SPOCK1: variants seen among roughly 807,000 people sequenced by gnomAD.
SPOCK1 encodes the protein testican-1.
SPOCK1 carries 23 observed loss-of-function variants against 55.3 expected under a neutral mutation model. That is an observed-to-expected ratio of 0.42 (90% confidence interval 0.30 to 0.59). The LOEUF (loss-of-function observed/expected upper bound fraction) is 0.59, where lower values mean the gene tolerates loss of function less well. SPOCK1 is among the 20% of genes least tolerant of loss of function. The probability of loss-of-function intolerance (pLI) is 0.22; values close to 1 mark genes in which losing one functional copy is unlikely to be tolerated. For missense variants in SPOCK1, 499 were observed against 552.5 expected, an observed-to-expected ratio of 0.90 and a Z score of 0.97; for synonymous variants, 226 against 221.0, an observed-to-expected ratio of 1.02 and a Z score of -0.20.
intron 3 of SPOCK1, among the ~76,000 whole-genome samples, chr5:137,154,413 A>G (rs1333042521): frequency 6.6e-6 from 1 of 152,232 alleles, no homozygotes; most frequent in Non-Finnish European, 1.5e-5. Context: ...AGTGTTTTGA[A>G]GATCTGCTGA....
chr5:137,229,955 A>G (rs1756017615), intron 3 of SPOCK1, among the ~76,000 whole-genome samples: 2 of 152,140 alleles, frequency 1.3e-5, no homozygotes, highest in Admixed American at 6.5e-5. Context: ...TGTGCAGCCC[A>G]TGGGTAGGGG....
chr5:137,130,727 C>A (rs1435835010), intron 4 of SPOCK1, among the ~76,000 whole-genome samples: 1 of 152,240 alleles, frequency 6.6e-6, no homozygotes, highest in East Asian at 1.9e-4. Context: ...TTGCAGTTCA[C>A]TGGGAAGCAT....
Position 137,098,879 on chromosome 5 carries a change from C to T in SPOCK1, c.474+13556G>A, listed in dbSNP as rs1753205386. On this transcript the variant is annotated intron_variant, in intron 5 of 10. Transcript: ENST00000394945. Reference sequence around the variant, plus strand: ...GGCTCCACGGGCCACCTCAGGAGACCTGCTCTGCAACCTCAGCCACCTCCT... The same window carrying T: ...GGCTCCACGGGCCACCTCAGGAGACTTGCTCTGCAACCTCAGCCACCTCCT... 2.6e-5 allele frequency among the ~76,000 whole-genome samples: 4 copies of T among 152,190 alleles called. No individual in the cohort carries two copies. The South Asian group carries it at 8.3e-4, about 31-fold the overall frequency.
At chr5:137,217,867 G>A (rs1195708762) in intron 3 of SPOCK1, among the ~76,000 whole-genome samples, 1 of 152,132 alleles carries the variant, frequency 6.6e-6, no homozygotes, top group African/African-American at 2.4e-5. Context: ...TGACAAGCGG[G>A]AATAGAAATC....
At chr5:137,179,278 A>C (rs1754921600) in intron 3 of SPOCK1, among the ~76,000 whole-genome samples, 1 of 152,216 alleles carries the variant, frequency 6.6e-6, no homozygotes, top group African/African-American at 2.4e-5. Context: ...TGATCTAAAA[A>C]TAAAGGCACC....
chr5:137,183,264 A>G (rs956747346), intron 3 of SPOCK1, among the ~76,000 whole-genome samples: 3 of 152,208 alleles, frequency 2.0e-5, no homozygotes, highest in Non-Finnish European at 4.4e-5. Flanking sequence ...AGGTCCGCAC[A>G]TGGTATGAAG....
At chr5:137,322,323 A>C (rs891222182) in intron 2 of SPOCK1, among the ~76,000 whole-genome samples, 2 of 108,188 alleles carry the variant, frequency 1.8e-5, no homozygotes, top group East Asian at 2.7e-4. Flanking sequence ...TCAGAGTGAG[A>C]TGCTGTCTCA....
At chr5:137,468,311 C>A (rs774184890) in intron 2 of SPOCK1, among the ~76,000 whole-genome samples, 2 of 152,194 alleles carry the variant, frequency 1.3e-5, no homozygotes, top group Non-Finnish European at 2.9e-5. Flanking sequence ...GATTCCCGTG[C>A]TTAAAGGATA....
chr5:137,034,915 A>G (rs920716554), intron 6 of SPOCK1, among the ~76,000 whole-genome samples: 1 of 152,212 alleles, frequency 6.6e-6, no homozygotes, highest in African/African-American at 2.4e-5. Context: ...AAAAGGGCAC[A>G]TGCGGGCGGC....
rs1752536855 is a variant in SPOCK1 at position 137,067,739 on chromosome 5, G to T, written c.565C>A (p.Pro189Thr). ...PCPCLPEPEP[P>T]KHKAERSACT... Reference sequence around the variant, plus strand: ...CCACTCCTTTCTGCCTTGTGCTTTGGTGGCTCAGGCTCTGGGAGACAGGGA... The same window carrying T: ...CCACTCCTTTCTGCCTTGTGCTTTGTTGGCTCAGGCTCTGGGAGACAGGGA... Residue 189 changes from proline to threonine, a missense_variant, in exon 6 of 11, where the codon CCA (proline) becomes ACA (threonine). Transcript: ENST00000394945. The T allele has an allele frequency of 6.2e-7, 1 of 1,613,948 alleles. No homozygotes were observed. The highest frequency in any genetic ancestry group is 1.3e-5 in the African/African-American group (1 of 74,880).
chr5:137,095,139 T>A (rs565521700), intron 5 of SPOCK1, among the ~76,000 whole-genome samples: 6 of 152,320 alleles, frequency 3.9e-5, no homozygotes, highest in African/African-American at 1.4e-4. Flanking sequence ...GAGTGGTTTA[T>A]GATGCCCCAG....
intron 3 of SPOCK1, among the ~76,000 whole-genome samples, chr5:137,241,027 T>TGGTTC: frequency 6.6e-6 from 1 of 152,324 alleles, no homozygotes; most frequent in South Asian, 2.1e-4. Flanking sequence ...AGAATAAAGT[T>TGGTTC]GGTTCTATAT....
chr5:137,026,519 G>A (rs903744339), intron 6 of SPOCK1, among the ~76,000 whole-genome samples: 2 of 152,182 alleles, frequency 1.3e-5, no homozygotes, highest in Non-Finnish European at 2.9e-5. Flanking sequence ...TCTCCAGCCT[G>A]CCAGCTCACC....
chr5:137,105,411 C>G (rs1445025850), intron 5 of SPOCK1, among the ~76,000 whole-genome samples: 1 of 152,124 alleles, frequency 6.6e-6, no homozygotes, highest in African/African-American at 2.4e-5. Context: ...AGAAAAGTAG[C>G]CACACATAAA....
intron 6 of SPOCK1, among the ~76,000 whole-genome samples, chr5:137,061,547 C>T (rs1752394241): frequency 6.6e-6 from 1 of 152,172 alleles, no homozygotes; most frequent in South Asian, 2.1e-4. Flanking sequence ...CTCTTTCCTC[C>T]CCTCCTGCAC....
At chr5:137,121,052 T>A (rs1753673635) in intron 4 of SPOCK1, among the ~76,000 whole-genome samples, 1 of 152,220 alleles carries the variant, frequency 6.6e-6, no homozygotes, top group Non-Finnish European at 1.5e-5. Context: ...GCTGAAGGTA[T>A]AAACATTCCA....
At chr5:137,472,839 C>A (rs778404453) in intron 2 of SPOCK1, among the ~76,000 whole-genome samples, 1 of 152,198 alleles carries the variant, frequency 6.6e-6, no homozygotes, top group African/African-American at 2.4e-5. Flanking sequence ...AATGTCCACA[C>A]AGAATATTTG....
At chr5:137,050,787 T>C (rs1752191073) in intron 6 of SPOCK1, among the ~76,000 whole-genome samples, 1 of 152,242 alleles carries the variant, frequency 6.6e-6, no homozygotes, top group African/African-American at 2.4e-5. Context: ...ATTTCCTATT[T>C]GAAAGAAATA....
intron 6 of SPOCK1, among the ~76,000 whole-genome samples, chr5:137,063,179 G>A (rs953801521): frequency 3.4e-5 from 5 of 147,748 alleles, no homozygotes; most frequent in Non-Finnish European, 7.4e-5. Flanking sequence ...CTTGCAGTGA[G>A]CCGAGATTGC....
Sources: allele counts gnomAD v4.1 joint callset (sites outside exome capture counted in the v4.1 genomes callset), GRCh38; gene constraint gnomAD v4.1.1; transcripts MANE v1.5; gene names NCBI Gene and HGNC (gene_info 2026-07-23, HGNC 2026-07-21).